The following CD86 variants were observed in gnomAD, a reference collection of about 807,000 sequenced individuals.
CD86 encodes CD86 molecule, also known as T-lymphocyte activation antigen CD86.
A neutral mutation model predicts 32.1 loss-of-function variants in CD86; 11 were observed. That is an observed-to-expected ratio of 0.34 (90% CI 0.22 to 0.57). The LOEUF is 0.57. CD86 is among the 20% of genes least tolerant of loss of function. CD86 has a pLI of 0.86. For missense variants in CD86, 359 were observed against 398.4 expected (o/e 0.90, Z 0.84); for synonymous variants, 137 against 135.3 (o/e 1.01, Z -0.09).
chr3:122,063,931 A>T (rs2072375872), intron 1 of CD86, among the ~76,000 whole-genome samples: 1 of 152,188 alleles, frequency 6.6e-6, no homozygotes, highest in Non-Finnish European at 1.5e-5. Flanking sequence ...TGCACAGAAA[A>T]ATCTTGGCAT....
chr3:122,068,994 A>T (rs2072452184), intron 1 of CD86, among the ~76,000 whole-genome samples: 1 of 152,224 alleles, frequency 6.6e-6, no homozygotes, highest in Non-Finnish European at 1.5e-5. Flanking sequence ...AGACCAGGGG[A>T]AAACTTTTCT....
At chr3:122,092,502 C>T (rs1285291487) in intron 2 of CD86, among the ~76,000 whole-genome samples, 4 of 152,060 alleles carry the variant, frequency 2.6e-5, no homozygotes, top group Non-Finnish European at 5.9e-5. Context: ...CTATCCACCA[C>T]CTCCCCTCAA....
rs753841632 is a variant in CD86 at position 122,103,761 on chromosome 3, A to G, written c.314A>G (p.Lys105Arg). ...LRLHNLQIKD[K>R]GLYQCIIHHK... ...CTTCACAATCTTCAGATCAAGGACAAGGGCTTGTATCAATGTATCATCCAT... is the reference window on the plus strand; with the variant it reads ...CTTCACAATCTTCAGATCAAGGACAGGGGCTTGTATCAATGTATCATCCAT... The change falls in exon 3 of 7, where the codon AAG becomes AGG. Residue 105 changes from lysine (K) to arginine (R), a missense_variant. Coordinates refer to ENST00000330540, the MANE Select transcript of CD86 (RefSeq NM_175862.5). The G allele has an allele frequency of 6.2e-7, 1 of 1,614,092 alleles. No homozygotes were observed. Among genetic ancestry groups the G allele is most frequent in the East Asian group, 2.2e-5 (1 of 44,872 alleles).
chr3:122,103,564 A>T lies in CD86; in HGVS notation c.117A>T (p.Pro39=). The T allele has an allele frequency of 6.2e-7, 1 of 1,613,918 alleles. No individual in the cohort carries two copies. Among genetic ancestry groups the T allele is most frequent in the Non-Finnish European group, 8.5e-7 (1 of 1,179,872 alleles). Residue 39 remains proline (P), a synonymous_variant, in exon 3 of 7, where the codon CCA becomes CCT. Transcript: ENST00000330540. ...QAYFNETADL[P]CQFANSQNQS... ...ATTTCAATGAGACTGCAGACCTGCC[A>T]TGCCAATTTGCAAACTCTCAAAACC...
chr3:122,092,616 C>T (rs553416530), intron 2 of CD86, among the ~76,000 whole-genome samples: 179 of 152,314 alleles, frequency 1.2e-3, no homozygotes, highest in African/African-American at 4.2e-3. Flanking sequence ...GCTGCGGTCC[C>T]TGCCATGTAT....
chr3:122,056,659 T>C (rs2072243023), intron 1 of CD86, among the ~76,000 whole-genome samples: 1 of 152,212 alleles, frequency 6.6e-6, no homozygotes, highest in African/African-American at 2.4e-5. Flanking sequence ...TAATTACTGT[T>C]CTTTGAAAAT....
At chr3:122,056,523 C>T (rs557471547) in intron 1 of CD86, among the ~76,000 whole-genome samples, 2 of 152,156 alleles carry the variant, frequency 1.3e-5, no homozygotes, top group South Asian at 4.2e-4. Context: ...TTGGTAGAGA[C>T]GGGGTCCACC....
intron 1 of CD86, among the ~76,000 whole-genome samples, chr3:122,067,685 T>C (rs758078225): frequency 6.6e-6 from 1 of 152,202 alleles, no homozygotes; most frequent in Non-Finnish European, 1.5e-5. Flanking sequence ...ATTAAAACTG[T>C]AGCCAGCTAG....
At chr3:122,071,021 G>A (rs755616329) in intron 1 of CD86, among the ~76,000 whole-genome samples, 6 of 152,040 alleles carry the variant, frequency 3.9e-5, no homozygotes, top group Admixed American at 1.3e-4. Flanking sequence ...CACATAGTAC[G>A]AGAATTCCCA....
In CD86 at chr3:122,103,729, C is replaced by T; in HGVS notation, c.282C>T (p.Thr94=). Residue 94 remains threonine, a synonymous_variant, in exon 3 of 7, where the codon ACC becomes ACT. Coordinates refer to ENST00000330540, the MANE Select transcript of CD86 (RefSeq NM_175862.5). ...GRTSFDSDSW[T]LRLHNLQIKD... The stretch of plus-strand genomic sequence containing the variant: ...CAAGTTTTGATTCGGACAGTTGGAC[C>T]CTGAGACTTCACAATCTTCAGATCA... 1 of 1,614,028 alleles carries T rather than the reference C, an allele frequency of 6.2e-7. No individual in the cohort carries two copies. Among genetic ancestry groups the T allele is most frequent in the Non-Finnish European group, 8.5e-7 (1 of 1,179,920 alleles).
chr3:122,118,016 C>T, intron 5 of CD86, 32 bp from the exon 6 acceptor site: 1 of 1,595,856 alleles, frequency 6.3e-7, no homozygotes, highest in Non-Finnish European at 8.6e-7. Flanking sequence ...AGGAGGAATA[C>T]ATTTTTGAAG....
chr3:122,111,203 A>G (rs1052009875), intron 5 of CD86, among the ~76,000 whole-genome samples: 1 of 152,196 alleles, frequency 6.6e-6, no homozygotes, highest in South Asian at 2.1e-4. Context: ...AAGCCTTGCT[A>G]TCACTGTAGG....
In CD86 at chr3:122,089,225, T is replaced by C. The variant is rs148259487; in HGVS notation, c.15-2376T>C. Among the ~76,000 whole-genome samples, 676 of 152,308 alleles carry C rather than the reference T, an allele frequency of 4.4e-3. 5 individuals are homozygous for C. The highest frequency in any genetic ancestry group is 7.4e-3 in the Non-Finnish European group (502 of 68,016). On this transcript the variant is annotated intron_variant, in intron 1 of 6. Coordinates refer to ENST00000330540, the MANE Select transcript of CD86 (RefSeq NM_175862.5). ...GGTATAGAGGCTTAGTTTTGCAAGA[T>C]GAAAGAGTTCTGAAGATGGATGTAG...
At chr3:122,061,869 T>C (rs1172312969) in intron 1 of CD86, among the ~76,000 whole-genome samples, 3 of 152,162 alleles carry the variant, frequency 2.0e-5, no homozygotes, top group African/African-American at 7.2e-5. Flanking sequence ...TAAAAGCCTA[T>C]GCTCCTGCAA....
chr3:122,060,565 T>G (rs1392894345), intron 1 of CD86, among the ~76,000 whole-genome samples: 1 of 151,950 alleles, frequency 6.6e-6, no homozygotes, highest in Admixed American at 6.6e-5. Context: ...GGAGGATGGC[T>G]TGAGGCGAGG....
At chr3:122,059,249 C>T (rs1450616569) in intron 1 of CD86, among the ~76,000 whole-genome samples, 1 of 152,006 alleles carries the variant, frequency 6.6e-6, no homozygotes, top group Admixed American at 6.6e-5. Flanking sequence ...AATTCAGTAG[C>T]AGAGAGGTTG....
In CD86 at chr3:122,119,665, C is replaced by T; in HGVS notation, c.*131C>T. On this transcript the variant is annotated 3_prime_UTR_variant, in exon 7 of 7. Transcript: ENST00000330540. Reference sequence around the variant, plus strand: ...GAGTAATAAGGGGGCTCCAGGACTCCCTCTAAGTGGAATAGCCTCCCTGTA... The same window carrying T: ...GAGTAATAAGGGGGCTCCAGGACTCTCTCTAAGTGGAATAGCCTCCCTGTA... 1.6e-6 allele frequency: 1 copy of T among 626,866 alleles called. No individual in the cohort carries two copies. Among genetic ancestry groups the T allele is most frequent in the Non-Finnish European group, 2.9e-6 (1 of 349,886 alleles). 38.8% of individuals were successfully genotyped at this position (626,866 alleles called of 1,614,324 possible).
Position 122,059,544 on chromosome 3 carries a change from A to G in CD86, c.14+4041A>G, listed in dbSNP as rs577579223. Among the ~76,000 whole-genome samples, 9 of 152,168 alleles carry G rather than the reference A, an allele frequency of 5.9e-5. No individual in the cohort carries two copies. The East Asian group carries it at 1.7e-3, about 29-fold the overall frequency. ...GAGTGAGACTCCGTCTCAAAAAAAA[A>G]AAAAAAAGAAAGAAATCAAGTGGGG... On this transcript the variant is annotated intron_variant, in intron 1 of 6. Transcript: ENST00000330540.
intron 1 of CD86, among the ~76,000 whole-genome samples, chr3:122,071,748 T>G (rs1056979745): frequency 1.3e-5 from 2 of 152,120 alleles, no homozygotes; most frequent in African/African-American, 4.8e-5. Context: ...TATTATACTT[T>G]AAGTTTTAGG....
Sources: allele counts gnomAD v4.1 joint callset (sites outside exome capture counted in the v4.1 genomes callset), GRCh38; gene constraint gnomAD v4.1.1; transcripts MANE v1.5; gene names NCBI Gene and HGNC (gene_info 2026-07-23, HGNC 2026-07-21).